The following AFF1 variants were observed in gnomAD, a reference collection of about 807,000 sequenced individuals.
AFF1 encodes the protein AF4/FMR2 family member 1.
A neutral mutation model predicts 121.7 loss-of-function variants in AFF1; 48 were observed. The observed-to-expected ratio is 0.39, with a 90% CI of 0.31 to 0.50. The LOEUF (loss-of-function observed/expected upper bound fraction) is 0.50. Among genes scored for constraint, AFF1 ranks in the 20% least tolerant of loss-of-function variants. The pLI, the probability that AFF1 is intolerant of heterozygous loss-of-function variation, is 0.76. For missense variants in AFF1, 1,523 were observed against 1,511.7 expected, an observed-to-expected ratio of 1.01 and a Z score of -0.12; for synonymous variants, 613 against 563.0, an observed-to-expected ratio of 1.09 and a Z score of -1.26.
intron 2 of AFF1, among the ~76,000 whole-genome samples, chr4:86,982,194 C>T (rs765622983): frequency 6.6e-6 from 1 of 152,090 alleles, no homozygotes; most frequent in Non-Finnish European, 1.5e-5. Context: ...AGTGGTGCCT[C>T]ACAAACACTT....
At chr4:87,019,982 G>A (rs1578076721) in intron 2 of AFF1, among the ~76,000 whole-genome samples, 1 of 144,748 alleles carries the variant, frequency 6.9e-6, no homozygotes, top group South Asian at 2.3e-4. Flanking sequence ...CTCCTCCCAC[G>A]TTTGATCACA....
intron 2 of AFF1, among the ~76,000 whole-genome samples, chr4:86,950,946 C>G (rs1268166786): frequency 1.3e-5 from 2 of 152,098 alleles, no homozygotes; most frequent in Non-Finnish European, 2.9e-5. Context: ...GTCATGTGTT[C>G]TTTGCTGGCA....
At chr4:87,001,207 CTTTTTTTTTTTTTTT>C (rs34072831) in intron 2 of AFF1, among the ~76,000 whole-genome samples, 1 of 60,298 alleles carries the variant, frequency 1.7e-5, no homozygotes, top group Non-Finnish European at 3.0e-5. Flanking sequence ...CCTTTTTCTA[CTTTTTTTTTTTTTTT>C]TTTTTTTTTT....
chr4:86,984,267 A>G (rs1316081863), intron 2 of AFF1, among the ~76,000 whole-genome samples: 2 of 143,126 alleles, frequency 1.4e-5, no homozygotes, highest in Non-Finnish European at 3.0e-5. Flanking sequence ...GTCCTGCACT[A>G]TTTTTCAAAG....
intron 2 of AFF1, among the ~76,000 whole-genome samples, chr4:87,022,576 A>ATC (rs1400595939): frequency 2.2e-4 from 19 of 86,048 alleles, no homozygotes; most frequent in South Asian, 1.8e-3. Flanking sequence ...ATATATATAT[A>ATC]TATATATCTA....
At chr4:87,111,132 C>G (rs369966351) in intron 11 of AFF1, among the ~76,000 whole-genome samples, 7 of 76,224 alleles carry the variant, frequency 9.2e-5, no homozygotes, top group Non-Finnish European at 8.5e-5. Flanking sequence ...CTCAGCCTCC[C>G]GAGTAGCTGG....
At chr4:86,954,739 T>C (rs1167920289) in intron 2 of AFF1, among the ~76,000 whole-genome samples, 1 of 152,056 alleles carries the variant, frequency 6.6e-6, no homozygotes, top group Non-Finnish European at 1.5e-5. Context: ...AAAAAAATCT[T>C]AAGATAAAAT....
At chr4:87,024,151 C>T (rs978349084) in intron 2 of AFF1, among the ~76,000 whole-genome samples, 2 of 152,068 alleles carry the variant, frequency 1.3e-5, no homozygotes, top group Non-Finnish European at 2.9e-5. Context: ...TGGCAAGTGA[C>T]GGCTGATACA....
At chr4:86,999,984 A>G (rs1399532010) in intron 2 of AFF1, among the ~76,000 whole-genome samples, 2 of 152,184 alleles carry the variant, frequency 1.3e-5, no homozygotes, top group Non-Finnish European at 2.9e-5. Flanking sequence ...TCGAAACACA[A>G]AAGGATGGGG....
At chr4:86,941,429 G>A (rs1279314690) in intron 1 of AFF1, among the ~76,000 whole-genome samples, 2 of 152,158 alleles carry the variant, frequency 1.3e-5, no homozygotes, top group Non-Finnish European at 2.9e-5. Flanking sequence ...AGGCCAAGGC[G>A]GGTGGATCGC....
chr4:86,995,755 G>A (rs1354548097), intron 2 of AFF1, among the ~76,000 whole-genome samples: 2 of 151,466 alleles, frequency 1.3e-5, no homozygotes, highest in East Asian at 2.0e-4. Flanking sequence ...AGTGAGGAGC[G>A]TCTCTGCCAG....
At chr4:87,082,556 A>G (rs906412408) in intron 4 of AFF1, among the ~76,000 whole-genome samples, 1 of 151,954 alleles carries the variant, frequency 6.6e-6, no homozygotes, top group Non-Finnish European at 1.5e-5. Flanking sequence ...TTATTTTTAA[A>G]TTTTTGTCTG....
At chr4:87,113,394 C>T (rs911657974) in intron 11 of AFF1, among the ~76,000 whole-genome samples, 1 of 152,082 alleles carries the variant, frequency 6.6e-6, no homozygotes, top group African/African-American at 2.4e-5. Flanking sequence ...CCTTAGCCTT[C>T]TGAGTAGCTG....
chr4:87,044,484 A>T (rs946190818), intron 2 of AFF1, among the ~76,000 whole-genome samples: 1 of 152,220 alleles, frequency 6.6e-6, no homozygotes, highest in Non-Finnish European at 1.5e-5. Context: ...AGGTAAGCAC[A>T]TACTTGGTGG....
At chr4:86,944,373 GTT>G (rs201558786) in intron 1 of AFF1, among the ~76,000 whole-genome samples, 131,167 of 148,698 alleles carry the variant, frequency 0.88, 59,732 homozygotes, top group Non-Finnish European at 1. Context: ...TTTTCTGGAG[GTT>G]TTTTTTTTTT....
At chr4:87,096,355 G>A (rs1490446997) in intron 8 of AFF1, among the ~76,000 whole-genome samples, 2 of 115,672 alleles carry the variant, frequency 1.7e-5, no homozygotes, top group African/African-American at 6.6e-5. Flanking sequence ...CCAGGCTGGA[G>A]TACAGAGGAC....
chr4:87,027,043 C>T (rs1415048479), intron 2 of AFF1, among the ~76,000 whole-genome samples: 1 of 152,162 alleles, frequency 6.6e-6, no homozygotes, highest in Non-Finnish European at 1.5e-5. Flanking sequence ...AGAAGATTAA[C>T]TTTCTGAAAC....
intron 2 of AFF1, among the ~76,000 whole-genome samples, chr4:86,990,791 G>GA (rs139691916): frequency 0.039 from 5,901 of 152,242 alleles, 195 homozygotes; most frequent in African/African-American, 0.092. Context: ...TGTTTGGGTG[G>GA]AAAATATTTA....
At position 87,138,512 on chromosome 4, in the gene AFF1, TGTG is replaced by T. The variant is rs751223181; in HGVS notation, c.*2812_*2814del. The T allele has an allele frequency of 4.9e-3, 675 of 137,646 alleles. 3 individuals are homozygous for T. The highest frequency in any genetic ancestry group is 0.012 in the East Asian group (75 of 6,194). 8.5% of individuals were successfully genotyped at this position (137,646 alleles called of 1,614,324 possible). On this transcript the variant is annotated 3_prime_UTR_variant, in exon 21 of 21. Coordinates refer to ENST00000395146, the MANE Select transcript of AFF1 (RefSeq NM_001166693.3). ...CAAGGTGTGTGTGTGTGTGTGTGTGTGTGTGTGTGTCTTTAGTAGGAAATGGAA... is the reference window on the plus strand; with the variant it reads ...CAAGGTGTGTGTGTGTGTGTGTGTGTTGTGTGTCTTTAGTAGGAAATGGAA...
Sources: gnomAD v4.1 joint callset for allele counts (sites outside exome capture counted in the v4.1 genomes callset) on GRCh38, gnomAD v4.1.1 for gene constraint, MANE v1.5 for transcripts, NCBI Gene and HGNC (gene_info 2026-07-23, HGNC 2026-07-21) for gene names.